SMAP1: variants seen among roughly 807,000 people sequenced by gnomAD.
SMAP1 encodes small ArfGAP 1, also known as stromal membrane-associated protein 1.
In SMAP1, 24 loss-of-function variants were observed where a neutral mutation model predicts 58.5. The observed-to-expected ratio is 0.41, with a 90% CI of 0.30 to 0.58. The LOEUF is 0.58. Among genes scored for constraint, SMAP1 ranks in the 20% least tolerant of loss-of-function variants. The pLI is 0.29. For synonymous variants in SMAP1, 216 were observed against 196.6 expected (o/e 1.10, Z -0.82); for missense variants, 563 against 566.3 (o/e 0.99, Z 0.06).
chr6:70,861,613 T>C lies in SMAP1; in HGVS notation c.*1279T>C. On this transcript the variant is annotated 3_prime_UTR_variant, in exon 11 of 11. Coordinates refer to ENST00000370455, the MANE Select transcript of SMAP1 (RefSeq NM_001044305.3). The stretch of plus-strand genomic sequence containing the variant: ...TGTAGCCTAAACTCCAAACATCCTC[T>C]TCCATATGGATCCACTGGCTGGACA... 6.5e-7 allele frequency: 1 copy of C among 1,541,546 alleles called. No individual in the cohort carries two copies. Among genetic ancestry groups the C allele is most frequent in the East Asian group, 2.3e-5 (1 of 44,420 alleles).
chr6:70,760,993 C>A (rs963806929), intron 3 of SMAP1, among the ~76,000 whole-genome samples: 1 of 151,928 alleles, frequency 6.6e-6, no homozygotes, highest in African/African-American at 2.4e-5. Context: ...TCCATGAGAT[C>A]TATTGTGTAC....
At chr6:70,784,926 T>C (rs915309033) in intron 4 of SMAP1, among the ~76,000 whole-genome samples, 2 of 152,128 alleles carry the variant, frequency 1.3e-5, no homozygotes, top group African/African-American at 4.8e-5. Flanking sequence ...TACCCAGGAA[T>C]AGAACTCAGC....
chr6:70,849,797 C>A (rs1771118822), intron 7 of SMAP1, among the ~76,000 whole-genome samples: 1 of 152,192 alleles, frequency 6.6e-6, no homozygotes, highest in African/African-American at 2.4e-5. Context: ...TAAGTACACT[C>A]ACATTGCACA....
chr6:70,819,793 A>G (rs1769806515), intron 6 of SMAP1, among the ~76,000 whole-genome samples: 1 of 152,222 alleles, frequency 6.6e-6, no homozygotes, highest in East Asian at 1.9e-4. Flanking sequence ...TGTTACTTAA[A>G]CTAAATTCTG....
chr6:70,767,321 T>C lies in SMAP1; in HGVS notation c.339-6029T>C, dbSNP rs574438519. Among the ~76,000 whole-genome samples, 82 of 152,282 alleles carry C rather than the reference T, an allele frequency of 5.4e-4. 3 individuals are homozygous for C. In the East Asian group the frequency reaches 0.015, roughly 28 times the overall value. On this transcript the variant is annotated intron_variant, in intron 3 of 10. Transcript: ENST00000370455. ...AGCTTGATGGGGATGGCATTGAATCTATAAATTACCTTGGGCAGTATGGCC... is the reference window on the plus strand; with the variant it reads ...AGCTTGATGGGGATGGCATTGAATCCATAAATTACCTTGGGCAGTATGGCC...
At chr6:70,725,437 C>T (rs1353196585) in intron 1 of SMAP1, among the ~76,000 whole-genome samples, 1 of 151,948 alleles carries the variant, frequency 6.6e-6, no homozygotes, top group Non-Finnish European at 1.5e-5. Flanking sequence ...CCTGGTTTTC[C>T]TGGTAGTTCA....
chr6:70,807,363 G>A lies in SMAP1; in HGVS notation c.576+8626G>A, dbSNP rs140428154. ...AATGAGTCAAGTGACTAATAAGGCA[G>A]ATGCCTTTGATATTTAAATAGATAT... On this transcript the variant is annotated intron_variant, in intron 6 of 10. Transcript: ENST00000370455. 2.0e-3 allele frequency among the ~76,000 whole-genome samples: 301 copies of A among 152,338 alleles called. 1 individual carries two copies. Among genetic ancestry groups the A allele is most frequent in the African/African-American group, 6.9e-3 (286 of 41,586 alleles).
At chr6:70,742,387 G>T (rs1359502885) in intron 2 of SMAP1, among the ~76,000 whole-genome samples, 1 of 152,152 alleles carries the variant, frequency 6.6e-6, no homozygotes, top group African/African-American at 2.4e-5. Context: ...AATCTCTAGG[G>T]CAGGGGCAAA....
intron 4 of SMAP1, among the ~76,000 whole-genome samples, chr6:70,777,114 A>G (rs951325981): frequency 2.0e-5 from 3 of 152,206 alleles, no homozygotes; most frequent in Admixed American, 1.3e-4. Flanking sequence ...AACAGTATCT[A>G]AGAGTTTTGT....
At chr6:70,767,998 A>G (rs890706555) in intron 3 of SMAP1, among the ~76,000 whole-genome samples, 7 of 150,512 alleles carry the variant, frequency 4.7e-5, no homozygotes, top group East Asian at 1.9e-4. Context: ...TTCTGCATCT[A>G]TTGAGATAAT....
intron 6 of SMAP1, among the ~76,000 whole-genome samples, chr6:70,820,780 T>A (rs775607338): frequency 4.4e-4 from 67 of 152,320 alleles, no homozygotes; most frequent in Non-Finnish European, 8.2e-4. Context: ...TCTAAGACAG[T>A]CTAGCAGATT....
At chr6:70,689,446 A>G (rs927641296) in intron 1 of SMAP1, among the ~76,000 whole-genome samples, 3 of 152,186 alleles carry the variant, frequency 2.0e-5, no homozygotes, top group South Asian at 4.1e-4. Context: ...CTTTATGCCA[A>G]TGTTGTACAG....
intron 4 of SMAP1, among the ~76,000 whole-genome samples, chr6:70,774,205 T>C (rs1296791553): frequency 2.0e-5 from 3 of 152,232 alleles, no homozygotes; most frequent in East Asian, 3.8e-4. Context: ...TGCTGTCATG[T>C]AATGATATGT....
At chr6:70,698,195 T>C (rs1265325116) in intron 1 of SMAP1, among the ~76,000 whole-genome samples, 1 of 152,174 alleles carries the variant, frequency 6.6e-6, no homozygotes. Flanking sequence ...GATAAAAGTT[T>C]TTTCCTTCAG....
At chr6:70,686,061 A>G (rs930898336) in intron 1 of SMAP1, among the ~76,000 whole-genome samples, 14 of 152,106 alleles carry the variant, frequency 9.2e-5, no homozygotes, top group African/African-American at 3.1e-4. Flanking sequence ...TGCCACCATC[A>G]GAGGAACTAG....
At chr6:70,754,006 G>A (rs1766386874) in intron 2 of SMAP1, among the ~76,000 whole-genome samples, 1 of 152,060 alleles carries the variant, frequency 6.6e-6, no homozygotes, top group African/African-American at 2.4e-5. Flanking sequence ...ATAGTTCTGT[G>A]TATACTTGAG....
rs59903914 is a variant in SMAP1, at chr6:70,812,491, T to A, written c.576+13754T>A. On this transcript the variant is annotated intron_variant, in intron 6 of 10. Coordinates refer to ENST00000370455, the MANE Select transcript of SMAP1 (RefSeq NM_001044305.3). The stretch of plus-strand genomic sequence containing the variant: ...CCTGTAGCCGTACACTTTGTTATTC[T>A]TCATCTTCTGGAATATTACTTTTGT... Among the ~76,000 whole-genome samples the A allele has an allele frequency of 1.2e-4, 18 of 152,312 alleles. 1 individual carries two copies. In the East Asian group the frequency reaches 3.5e-3, roughly 29 times the overall value.
At chr6:70,744,337 C>CT (rs1231960108) in intron 2 of SMAP1, among the ~76,000 whole-genome samples, 1 of 152,042 alleles carries the variant, frequency 6.6e-6, no homozygotes, top group Non-Finnish European at 1.5e-5. Flanking sequence ...CCCACACCCC[C>CT]GATAGGCCCC....
At chr6:70,793,674 A>AGAGAGAGAGAGAG in intron 5 of SMAP1, among the ~76,000 whole-genome samples, 4 of 132,166 alleles carry the variant, frequency 3.0e-5, no homozygotes, top group Admixed American at 1.5e-4. Context: ...GAGAGAGAGA[A>AGAGAGAGAGAGAG]AGCTTAAAAA....
Sources: gnomAD v4.1 joint callset for allele counts (sites outside exome capture counted in the v4.1 genomes callset) on GRCh38, gnomAD v4.1.1 for gene constraint, MANE v1.5 for transcripts, NCBI Gene and HGNC (gene_info 2026-07-23, HGNC 2026-07-21) for gene names.